The following GRM8 variants were observed in gnomAD, a reference collection of about 807,000 sequenced individuals.
The protein encoded by GRM8 is metabotropic glutamate receptor 8.
A neutral mutation model predicts 87.2 loss-of-function variants in GRM8; 47 were observed. That is an observed-to-expected ratio of 0.54 (90% CI 0.43 to 0.69). The LOEUF (loss-of-function observed/expected upper bound fraction) is 0.69, where lower values mean the gene tolerates loss of function less well. GRM8 is among the 30% of genes least tolerant of loss of function. The probability of loss-of-function intolerance (pLI) is 0.00; values close to 1 mark genes in which losing one functional copy is unlikely to be tolerated. For missense variants in GRM8, 1,019 were observed against 1,139.2 expected, an observed-to-expected ratio of 0.89 and a Z score of 1.52; for synonymous variants, 396 against 404.5, an observed-to-expected ratio of 0.98 and a Z score of 0.25.
intron 8 of GRM8, among the ~76,000 whole-genome samples, chr7:126,549,930 G>A (rs1225285468): frequency 6.6e-6 from 1 of 151,966 alleles, no homozygotes; most frequent in Non-Finnish European, 1.5e-5. Flanking sequence ...TAGTTATGAA[G>A]GATATATAAT....
At chr7:127,092,482 G>T (rs142907056) in intron 3 of GRM8, among the ~76,000 whole-genome samples, 3 of 152,188 alleles carry the variant, frequency 2.0e-5, no homozygotes, top group Admixed American at 6.5e-5. Flanking sequence ...GATCTCTTGA[G>T]GCCAGGAGTT....
intron 7 of GRM8, among the ~76,000 whole-genome samples, chr7:126,652,282 A>G (rs1161188445): frequency 2.0e-5 from 3 of 152,146 alleles, no homozygotes; most frequent in Non-Finnish European, 2.9e-5. Context: ...TGTTACGTGT[A>G]ATTATGACCT....
In GRM8 at chr7:126,661,502, T is replaced by TCA. The variant is rs1477052698; in HGVS notation, c.1358-52005_1358-52004insTG. ...CTAAATCACTTTCTAAACCCAGCCCTGGGACCCTCAGGACTCCACTCATTA... is the reference window on the plus strand; with the variant it reads ...CTAAATCACTTTCTAAACCCAGCCCTCAGGGACCCTCAGGACTCCACTCATTA... On this transcript the variant is annotated intron_variant, in intron 7 of 10. Transcript: ENST00000339582. Among the ~76,000 whole-genome samples the TCA allele has an allele frequency of 2.6e-5, 4 of 152,290 alleles. No homozygotes were observed. In the East Asian group the frequency reaches 7.7e-4, roughly 29 times the overall value.
chr7:127,109,489 C>G (rs1175243715), intron 2 of GRM8, among the ~76,000 whole-genome samples: 1 of 152,210 alleles, frequency 6.6e-6, no homozygotes. Context: ...CATCTGCACC[C>G]TTCTCCATAC....
chr7:126,453,685 T>G (rs535449051), intron 9 of GRM8, among the ~76,000 whole-genome samples: 3 of 151,942 alleles, frequency 2.0e-5, no homozygotes, highest in African/African-American at 7.2e-5. Context: ...CTTTAATATT[T>G]GGATTAGTAA....
At chr7:127,106,418 T>C in intron 3 of GRM8, 78 bp downstream of exon 3, 3 of 1,127,498 alleles carry the variant, frequency 2.7e-6, no homozygotes, top group Admixed American at 1.8e-5. Context: ...TCCCTACAGA[T>C]AAGAGAGCAC....
rs150139108 is a variant in GRM8, at chr7:127,113,183, C to G, written c.511-6471G>C. Among the ~76,000 whole-genome samples, 444 of 152,262 alleles carry G rather than the reference C, an allele frequency of 2.9e-3. 2 individuals are homozygous for G. Among genetic ancestry groups the G allele is most frequent in the African/African-American group, 0.01 (422 of 41,560 alleles). On this transcript the variant is annotated intron_variant, in intron 2 of 10. Coordinates refer to ENST00000339582, the MANE Select transcript of GRM8 (RefSeq NM_000845.3). ...TCAAGGTTTCCCACTGCTTGCACAT[C>G]AAAACATTGCAATAAGCTTGAAACT... is the stretch of plus-strand genomic sequence containing the variant.
At chr7:126,585,043 CTG>C (rs1488055949) in intron 8 of GRM8, among the ~76,000 whole-genome samples, 2 of 152,140 alleles carry the variant, frequency 1.3e-5, no homozygotes, top group African/African-American at 4.8e-5. Context: ...TTCTTAAACA[CTG>C]TGAATTCTTA....
chr7:127,109,552 A>T (rs1372138156), intron 2 of GRM8, among the ~76,000 whole-genome samples: 1 of 152,108 alleles, frequency 6.6e-6, no homozygotes, highest in Admixed American at 6.5e-5. Flanking sequence ...CAAATTCAAT[A>T]TCCAGCTCAA....
intron 6 of GRM8, among the ~76,000 whole-genome samples, chr7:126,770,317 T>A (rs944107534): frequency 1.3e-5 from 2 of 152,280 alleles, no homozygotes; most frequent in African/African-American, 4.8e-5. Context: ...CATTATCTTT[T>A]TTCCACCTTA....
chr7:127,173,795 G>A (rs374698180), intron 2 of GRM8, among the ~76,000 whole-genome samples: 15 of 152,186 alleles, frequency 9.9e-5, no homozygotes, highest in South Asian at 8.3e-4. Flanking sequence ...GCCTTGCATC[G>A]TCCTAAAGGC....
At chr7:126,736,652 A>C (rs549693714) in intron 7 of GRM8, among the ~76,000 whole-genome samples, 54 of 152,206 alleles carry the variant, frequency 3.5e-4, no homozygotes, top group African/African-American at 1.1e-3. Context: ...ATGCCAAGAC[A>C]GCTTAATAGA....
chr7:126,462,838 G>A (rs1804040556), intron 9 of GRM8, among the ~76,000 whole-genome samples: 1 of 151,474 alleles, frequency 6.6e-6, no homozygotes, highest in African/African-American at 2.4e-5. Context: ...TTTTTACCAA[G>A]CAACTTTATA....
At position 126,533,788 on chromosome 7, in the gene GRM8, C is replaced by A; in HGVS notation, c.1594G>T (p.Val532Phe). 2 of 1,613,990 alleles carry A rather than the reference C, an allele frequency of 1.2e-6. No homozygotes were observed. ...CGTTCACAGTGCCAGCAGCAAGGGA[C>A]CCCTTTCACCGTTTTCTTCCTCTCC... ...PGERKKTVKG[V>F]PCCWHCERCE... Residue 532 changes from valine (V) to phenylalanine (F), a missense_variant, in exon 9 of 11, where the codon GTC becomes TTC. Physicochemically the swap from Val to Phe is conservative, Grantham distance 50. Transcript: ENST00000339582.
intron 1 of GRM8, among the ~76,000 whole-genome samples, chr7:127,250,458 C>T (rs1798804002): frequency 6.6e-6 from 1 of 152,184 alleles, no homozygotes; most frequent in African/African-American, 2.4e-5. Context: ...TTCTTTATTC[C>T]GGGTCAATTG....
intron 2 of GRM8, among the ~76,000 whole-genome samples, chr7:127,131,067 G>T (rs939798034): frequency 1.3e-5 from 2 of 152,168 alleles, no homozygotes; most frequent in Non-Finnish European, 2.9e-5. Context: ...AGCATGTGTT[G>T]CCCAAGAAAC....
chr7:126,966,784 T>A (rs1281781935), intron 3 of GRM8, among the ~76,000 whole-genome samples: 1 of 152,082 alleles, frequency 6.6e-6, no homozygotes, highest in East Asian at 1.9e-4. Context: ...CGCTCCTAGA[T>A]GTTCAGAAAA....
At chr7:126,870,981 T>G (rs1303049652) in intron 6 of GRM8, among the ~76,000 whole-genome samples, 1 of 152,198 alleles carries the variant, frequency 6.6e-6, no homozygotes, top group Non-Finnish European at 1.5e-5. Context: ...AAAACTTATT[T>G]TGCTATATCT....
intron 1 of GRM8, among the ~76,000 whole-genome samples, chr7:127,249,538 T>G (rs1798752203): frequency 6.6e-6 from 1 of 152,102 alleles, no homozygotes; most frequent in East Asian, 1.9e-4. Context: ...CCAACAGCAT[T>G]GCCCACCACT....
Sources: allele counts gnomAD v4.1 joint callset (sites outside exome capture counted in the v4.1 genomes callset), GRCh38; gene constraint gnomAD v4.1.1; transcripts MANE v1.5; gene names NCBI Gene and HGNC (gene_info 2026-07-23, HGNC 2026-07-21).